ST6GALNAC5: variants seen among roughly 807,000 people sequenced by gnomAD.
ST6GALNAC5 encodes the protein alpha-N-acetylgalactosaminide alpha-2,6-sialyltransferase 5.
A neutral mutation model predicts 33.6 loss-of-function variants in ST6GALNAC5; 27 were observed. That is an observed-to-expected ratio of 0.80 (90% confidence interval 0.59 to 1.11). The LOEUF (loss-of-function observed/expected upper bound fraction) is 1.11. ST6GALNAC5 is among the 50% of genes least tolerant of loss of function. ST6GALNAC5 has a pLI of 0.00. For missense variants in ST6GALNAC5, 428 were observed against 454.0 expected (o/e 0.94, Z 0.52); for synonymous variants, 194 against 171.2 (o/e 1.13, Z -1.04).
chr1:76,869,802 C>A (rs190413464), intron 2 of ST6GALNAC5, among the ~76,000 whole-genome samples: 2 of 152,288 alleles, frequency 1.3e-5, no homozygotes, highest in African/African-American at 4.8e-5. Flanking sequence ...GAATTTAAGG[C>A]AGGACCCAGT....
chr1:76,913,947 T>C (rs1164475083), intron 2 of ST6GALNAC5, among the ~76,000 whole-genome samples: 2 of 152,260 alleles, frequency 1.3e-5, no homozygotes, highest in Non-Finnish European at 2.9e-5. Flanking sequence ...GAAAACCCCA[T>C]TGTCTCAGCC....
At chr1:76,936,090 G>A (rs1647200154) in intron 2 of ST6GALNAC5, among the ~76,000 whole-genome samples, 1 of 152,052 alleles carries the variant, frequency 6.6e-6, no homozygotes, top group African/African-American at 2.4e-5. Flanking sequence ...ATCTTCTGCA[G>A]AAGTAAAAAT....
intron 2 of ST6GALNAC5, among the ~76,000 whole-genome samples, chr1:77,016,064 C>T (rs1650821230): frequency 6.7e-6 from 1 of 149,468 alleles, no homozygotes; most frequent in South Asian, 2.2e-4. Flanking sequence ...TTCATCTACC[C>T]CCACATCCCC....
At chr1:77,006,321 ATTTTTTTTT>A (rs71075723) in intron 2 of ST6GALNAC5, among the ~76,000 whole-genome samples, 1 of 92,822 alleles carries the variant, frequency 1.1e-5, no homozygotes, top group African/African-American at 4.2e-5. Flanking sequence ...CACCCGGCTA[ATTTTTTTTT>A]TTTTTTTTTT....
intron 2 of ST6GALNAC5, among the ~76,000 whole-genome samples, chr1:76,957,165 C>A (rs1648035989): frequency 6.6e-6 from 1 of 152,102 alleles, no homozygotes; most frequent in Non-Finnish European, 1.5e-5. Flanking sequence ...TGTATTGTCT[C>A]ACAGTTCTGG....
At chr1:76,931,426 G>A (rs929724998) in intron 2 of ST6GALNAC5, among the ~76,000 whole-genome samples, 3 of 152,022 alleles carry the variant, frequency 2.0e-5, no homozygotes, top group Non-Finnish European at 4.4e-5. Flanking sequence ...CTAATACACT[G>A]GCATTTTTAC....
rs1652726867 is a variant in ST6GALNAC5 at position 77,064,994 on chromosome 1, C to G, written c.*1788C>G. On this transcript the variant is annotated 3_prime_UTR_variant, in exon 5 of 5. Transcript: ENST00000477717. ...ATTGATGTGTATGGCTTGGGCTGTT[C>G]AAAGCCAGTAAGATTGAAATGGCCG... 6.6e-6 allele frequency: 1 copy of G among 152,110 alleles called. No homozygotes were observed. Among genetic ancestry groups the G allele is most frequent in the Admixed American group, 6.6e-5 (1 of 15,260 alleles). The allele number at this position is 152,110 out of a possible 1,614,324, so 9.4% of individuals were successfully genotyped here. A position where few individuals can be genotyped will look rare whatever the true frequency, so the allele number is the denominator to read the frequency against.
At chr1:76,981,344 C>T (rs1283349841) in intron 2 of ST6GALNAC5, among the ~76,000 whole-genome samples, 1 of 152,244 alleles carries the variant, frequency 6.6e-6, no homozygotes, top group Non-Finnish European at 1.5e-5. Flanking sequence ...CTCTCCTGTG[C>T]CTGGCTCGAT....
At chr1:76,971,942 T>G (rs903838568) in intron 2 of ST6GALNAC5, among the ~76,000 whole-genome samples, 36 of 152,250 alleles carry the variant, frequency 2.4e-4, no homozygotes, top group Admixed American at 1.7e-3. Flanking sequence ...TTCATCCAGT[T>G]TCCATCCCTC....
chr1:76,898,786 T>G (rs936417841), intron 2 of ST6GALNAC5, among the ~76,000 whole-genome samples: 4 of 151,640 alleles, frequency 2.6e-5, no homozygotes, highest in Non-Finnish European at 4.4e-5. Flanking sequence ...AGGAGGGGAG[T>G]TGATAAAAAG....
chr1:76,983,023 G>T (rs886911784), intron 2 of ST6GALNAC5, among the ~76,000 whole-genome samples: 2 of 151,970 alleles, frequency 1.3e-5, no homozygotes, highest in African/African-American at 4.8e-5. Context: ...ACTAAACATG[G>T]AAAGGAACAA....
At chr1:77,022,737 G>A (rs780813486) in intron 2 of ST6GALNAC5, among the ~76,000 whole-genome samples, 9 of 152,176 alleles carry the variant, frequency 5.9e-5, no homozygotes, top group South Asian at 4.1e-4. Flanking sequence ...CTGGAATTGC[G>A]AGATTTCATT....
At chr1:76,910,806 A>T (rs1646904343) in intron 2 of ST6GALNAC5, among the ~76,000 whole-genome samples, 1 of 152,014 alleles carries the variant, frequency 6.6e-6, no homozygotes. Flanking sequence ...GCCTTTCAAA[A>T]TCCCAGTGAC....
chr1:76,993,896 A>C (rs1020948956), intron 2 of ST6GALNAC5, among the ~76,000 whole-genome samples: 2 of 152,162 alleles, frequency 1.3e-5, no homozygotes, highest in African/African-American at 4.8e-5. Context: ...GAACTTCTAT[A>C]GAAACTTTGG....
At chr1:77,001,092 A>T (rs1650141579) in intron 2 of ST6GALNAC5, among the ~76,000 whole-genome samples, 1 of 151,996 alleles carries the variant, frequency 6.6e-6, no homozygotes, top group Non-Finnish European at 1.5e-5. Flanking sequence ...CAGTATGGTC[A>T]TGTTCACGAT....
At chr1:77,026,229 A>T (rs1187592494) in intron 2 of ST6GALNAC5, among the ~76,000 whole-genome samples, 1 of 152,160 alleles carries the variant, frequency 6.6e-6, no homozygotes, top group African/African-American at 2.4e-5. Context: ...ATGATTAAGG[A>T]GAGAGTCCTG....
intron 2 of ST6GALNAC5, among the ~76,000 whole-genome samples, chr1:77,001,969 T>C (rs1289084806): frequency 1.3e-5 from 2 of 152,184 alleles, no homozygotes; most frequent in African/African-American, 4.8e-5. Flanking sequence ...GTTGTGTCTC[T>C]GCCCGGCTTT....
chr1:76,922,485 T>A (rs1003939107), intron 2 of ST6GALNAC5, among the ~76,000 whole-genome samples: 26 of 152,166 alleles, frequency 1.7e-4, no homozygotes, highest in African/African-American at 6.3e-4. Flanking sequence ...AAGCAAGATA[T>A]TTTTGGAGCT....
In ST6GALNAC5 at chr1:77,005,055, T is replaced by G. The variant is rs376861961; in HGVS notation, c.262-39149T>G. Among the ~76,000 whole-genome samples the G allele has an allele frequency of 7.2e-5, 11 of 151,932 alleles. No homozygotes were observed. The East Asian group carries it at 1.2e-3, about 16-fold the overall frequency. On this transcript the variant is annotated intron_variant, in intron 2 of 4. Transcript: ENST00000477717. ...CTTCCTGGCTGCTTTGTTTACCTAA[T>G]CAAGCCTGGGCAATGGCGGGCGCCC...
Sources: gnomAD v4.1 joint callset for allele counts (sites outside exome capture counted in the v4.1 genomes callset) on GRCh38, gnomAD v4.1.1 for gene constraint, MANE v1.5 for transcripts, NCBI Gene and HGNC (gene_info 2026-07-23, HGNC 2026-07-21) for gene names.